The following SLC27A1 variants were observed in gnomAD, a reference collection of about 807,000 sequenced individuals.
SLC27A1 encodes the protein long-chain fatty acid transport protein 1.
SLC27A1 carries 61 observed loss-of-function variants against 62.2 expected under a neutral mutation model. The ratio of observed to expected loss-of-function variants is 0.98; its 90% CI spans 0.80 to 1.21. SLC27A1 has a LOEUF of 1.21. SLC27A1 is among the 50% of genes most tolerant of loss of function. The pLI is 0.00. For synonymous variants in SLC27A1, 435 were observed against 408.6 expected (o/e 1.06, Z -0.78); for missense variants, 903 against 932.1 (o/e 0.97, Z 0.41).
chr19:17,480,152 C>G (rs1236322091), intron 1 of SLC27A1, among the ~76,000 whole-genome samples: 1 of 151,482 alleles, frequency 6.6e-6, no homozygotes, highest in Non-Finnish European at 1.5e-5. Context: ...CACAGCCTCC[C>G]AAGTAGCTGG....
At position 17,486,957 on chromosome 19, in the gene SLC27A1, G is replaced by C. The variant is rs765960759; in HGVS notation, c.562G>C (p.Ala188Pro). ...ALIFGGEMVA[A>P]VAEVSGHLGK... is the part of the protein sequence containing the mutation. ...GATCTTTGGAGGAGAAATGGTGGCG[G>C]GTGAGGCCAGGCGTGGGCATCAGGT... Residue 188 changes from alanine to proline, a missense_variant and splice_region_variant, in exon 2 of 12, where the codon GCG becomes CCG. Coordinates refer to ENST00000252595, the MANE Select transcript of SLC27A1 (RefSeq NM_198580.3). The surrounding 1 kb of genome is among the most constrained non-coding windows in gnomAD (Gnocchi z 6.6). 1 of 1,567,764 alleles carries C rather than the reference G, an allele frequency of 6.4e-7. No individual in the cohort carries two copies. The highest frequency in any genetic ancestry group is 8.6e-7 in the Non-Finnish European group (1 of 1,163,876).
intron 1 of SLC27A1, among the ~76,000 whole-genome samples, chr19:17,477,240 C>CTGTTTTTTTT (rs2075132259): frequency 2.3e-5 from 1 of 43,806 alleles, no homozygotes; most frequent in Non-Finnish European, 4.0e-5. Context: ...ATGAGCAGCG[C>CTGTTTTTTTT]TTTTTTTTTT....
At position 17,504,765 on chromosome 19, in the gene SLC27A1, G is replaced by A. The variant is rs1421158053; in HGVS notation, c.*153G>A. 2.0e-6 allele frequency: 2 copies of A among 1,019,148 alleles called. No individual in the cohort carries two copies. Among genetic ancestry groups the A allele is most frequent in the South Asian group, 1.4e-5 (1 of 73,360 alleles). 63.1% of individuals were successfully genotyped at this position (1,019,148 alleles called of 1,614,324 possible). A position where few individuals can be genotyped will look rare whatever the true frequency, so the allele number is the denominator to read the frequency against. On this transcript the variant is annotated 3_prime_UTR_variant, in exon 12 of 12. Transcript: ENST00000252595. ...CCTGGACTGAGAAACTGGAACCTCA[G>A]AGGAACCCGTGCCTCTCTGCTGCCT... is the stretch of plus-strand genomic sequence containing the variant.
At chr19:17,481,464 A>G (rs2075177862) in intron 1 of SLC27A1, among the ~76,000 whole-genome samples, 1 of 151,666 alleles carries the variant, frequency 6.6e-6, no homozygotes, top group Non-Finnish European at 1.5e-5. Context: ...TTACAGGCTC[A>G]TGCCACCACA....
Position 17,489,064 on chromosome 19 carries a change from A to C in SLC27A1, c.943A>C (p.Lys315Gln). The C allele has an allele frequency of 6.2e-7, 1 of 1,614,156 alleles. No homozygotes were observed. The highest frequency in any genetic ancestry group is 1.1e-5 in the South Asian group (1 of 91,084). Reference protein sequence around the residue: ...LIYGLTVVLRKKFSASRFWDD... With the variant: ...LIYGLTVVLRQKFSASRFWDD... ...CTATGGGCTGACAGTCGTCCTCCGC[A>C]AGAAATTCTCGGCCAGCCGCTTCTG... The change falls in exon 6 of 12, where the codon AAG becomes CAG. Residue 315 changes from lysine (K) to glutamine (Q), a missense_variant. Lys to Gln is a moderately conservative substitution (Grantham distance 53). Transcript: ENST00000252595.
Position 17,487,275 on chromosome 19 carries a change from C to CCGCT in SLC27A1, c.665_668dup (p.Leu224AlafsTer61). The CCGCT allele has an allele frequency of 6.2e-7, 1 of 1,613,882 alleles. No homozygotes were observed. The highest frequency in any genetic ancestry group is 8.5e-7 in the Non-Finnish European group (1 of 1,179,924). ...CTTGCCGGACACCCACCTCCTGGAC[C>CCGCT]CGCTGCTGAAGGAGGCCTCTACTGC... On this transcript the variant is annotated frameshift_variant, in exon 3 of 12. Coordinates refer to ENST00000252595, the MANE Select transcript of SLC27A1 (RefSeq NM_198580.3). LOFTEE classifies it high-confidence loss of function.
At position 17,504,436 on chromosome 19, in the gene SLC27A1, C is replaced by A; in HGVS notation, c.1784-19C>A. 3 of 1,613,564 alleles carry A rather than the reference C, an allele frequency of 1.9e-6. No individual in the cohort carries two copies. The highest frequency in any genetic ancestry group is 2.5e-6 in the Non-Finnish European group (3 of 1,179,926). ...AAGCCACCTGCTCAGCCCTTATCTGCCCCCCATCCCCACTATAGGCACCTT... is the reference window on the plus strand; with the variant it reads ...AAGCCACCTGCTCAGCCCTTATCTGACCCCCATCCCCACTATAGGCACCTT... On this transcript the variant is annotated intron_variant, in intron 11 of 11. Coordinates refer to ENST00000252595, the MANE Select transcript of SLC27A1 (RefSeq NM_198580.3).
chr19:17,492,151 G>A (rs2075300305), intron 6 of SLC27A1, among the ~76,000 whole-genome samples: 1 of 152,168 alleles, frequency 6.6e-6, no homozygotes, highest in Non-Finnish European at 1.5e-5. Flanking sequence ...TTAAAAAAAT[G>A]TGTCTAGATG....
intron 7 of SLC27A1, 55 bp from the exon 8 acceptor site, chr19:17,500,223 T>C: frequency 1.3e-6 from 2 of 1,588,854 alleles, no homozygotes; most frequent in Non-Finnish European, 1.7e-6. Flanking sequence ...AAAGTGTTAC[T>C]GAGAAGGACC....
intron 6 of SLC27A1, chr19:17,495,318 G>A (rs1230890063): frequency 6.5e-5 from 8 of 122,622 alleles, no homozygotes; most frequent in African/African-American, 2.6e-4. Context: ...GTCTCGCTCT[G>A]TCGCCCAGGC....
chr19:17,470,721 G>A lies in SLC27A1; in HGVS notation c.167+14G>A. The A allele has an allele frequency of 6.3e-7, 1 of 1,575,314 alleles. No individual in the cohort carries two copies. The highest frequency in any genetic ancestry group is 8.6e-7 in the Non-Finnish European group (1 of 1,167,248). Reference sequence around the variant, plus strand: ...GCGAGACCTCTTGTGAGTGTTGCCGGGATCCGTCCAGGGCTGGGGGCGGGG... The same window carrying A: ...GCGAGACCTCTTGTGAGTGTTGCCGAGATCCGTCCAGGGCTGGGGGCGGGG... On this transcript the variant is annotated intron_variant, in intron 1 of 11. Transcript: ENST00000252595.
chr19:17,469,603 G>C (rs1368937138), upstream of SLC27A1, among the ~76,000 whole-genome samples: 1 of 152,076 alleles, frequency 6.6e-6, no homozygotes, highest in Non-Finnish European at 1.5e-5. Context: ...ATGTCTCTTT[G>C]GCCGTCGCCT....
intron 1 of SLC27A1, among the ~76,000 whole-genome samples, chr19:17,484,580 CA>C (rs949114020): frequency 1.4e-5 from 2 of 146,224 alleles, no homozygotes; most frequent in African/African-American, 2.5e-5. Context: ...GACCCTGTCT[CA>C]AAAAAAAAGT....
At position 17,470,533 on chromosome 19, in the gene SLC27A1, T is replaced by G; in HGVS notation, c.-8T>G. 2 of 1,544,304 alleles carry G rather than the reference T, an allele frequency of 1.3e-6. No homozygotes were observed. Among genetic ancestry groups the G allele is most frequent in the East Asian group, 4.9e-5 (2 of 41,046 alleles). On this transcript the variant is annotated 5_prime_UTR_variant, in exon 1 of 12. Coordinates refer to ENST00000252595, the MANE Select transcript of SLC27A1 (RefSeq NM_198580.3). Reference sequence around the variant, plus strand: ...GCCCGCGGCCTCAGCTCTCTCTGCTTCCCCAGGATGCGGGCTCCGGGTGCG... The same window carrying G: ...GCCCGCGGCCTCAGCTCTCTCTGCTGCCCCAGGATGCGGGCTCCGGGTGCG...
At chr19:17,471,008 G>A (rs1299043650) in intron 1 of SLC27A1, among the ~76,000 whole-genome samples, 1 of 145,400 alleles carries the variant, frequency 6.9e-6, no homozygotes, top group Non-Finnish European at 1.5e-5. Context: ...GATTTGGGGG[G>A]CAATTTGGGG....
At position 17,486,176 on chromosome 19, in the gene SLC27A1, C is replaced by G. The variant is rs940770923; in HGVS notation, c.168-387C>G. Among the ~76,000 whole-genome samples the G allele has an allele frequency of 1.3e-5, 2 of 152,188 alleles. No individual in the cohort carries two copies. Among genetic ancestry groups the G allele is most frequent in the Non-Finnish European group, 2.9e-5 (2 of 68,030 alleles). On this transcript the variant is annotated intron_variant, in intron 1 of 11. Transcript: ENST00000252595. This position sits in a 1 kb window ranked among gnomAD's most constrained non-coding sequence, Gnocchi z 6.6. ...AACAGCTGCCCAGCTCGGGGCTGGA[C>G]CCTGGGGGTCCTGGTTAGGGTGGTC...
chr19:17,481,002 C>T (rs759166995), intron 1 of SLC27A1, among the ~76,000 whole-genome samples: 4 of 151,324 alleles, frequency 2.6e-5, no homozygotes, highest in African/African-American at 4.9e-5. Context: ...CTCGGCTCAC[C>T]GCAACCTCTG....
intron 1 of SLC27A1, among the ~76,000 whole-genome samples, chr19:17,485,923 T>C (rs2075224974): frequency 6.6e-6 from 1 of 152,170 alleles, no homozygotes; most frequent in Non-Finnish European, 1.5e-5. Context: ...CTCCTTTCAC[T>C]GGGGGCTCTG....
intron 3 of SLC27A1, 44 bp downstream of exon 3, chr19:17,487,379 C>T (rs773809654): frequency 6.5e-7 from 1 of 1,548,452 alleles, no homozygotes; most frequent in African/African-American, 1.4e-5. Context: ...TGGTTTCCTA[C>T]CCGCCCAGGC....
Sources: gnomAD v4.1 joint callset for allele counts (sites outside exome capture counted in the v4.1 genomes callset) on GRCh38, gnomAD v4.1.1 for gene constraint, Gnocchi (gnomAD v3.1) non-coding constraint, MANE v1.5 for transcripts, NCBI Gene and HGNC (gene_info 2026-07-23, HGNC 2026-07-21) for gene names.